The following PNOC variants were observed in gnomAD, a reference collection of about 807,000 sequenced individuals.
PNOC encodes the protein prepronociceptin, also known as nociceptin.
Under a neutral mutation model 15.6 loss-of-function variants are expected in PNOC, and 10 were observed. The ratio of observed to expected loss-of-function variants is 0.64; its 90% CI spans 0.40 to 1.09. The LOEUF (loss-of-function observed/expected upper bound fraction) is 1.09. Ranked by LOEUF, PNOC falls within the 50% of genes least tolerant of loss-of-function variation. The probability of loss-of-function intolerance (pLI) is 0.01; values close to 1 mark genes in which losing one functional copy is unlikely to be tolerated. For synonymous variants in PNOC, 98 were observed against 88.5 expected (o/e 1.11, Z -0.60); for missense variants, 220 against 223.9 (o/e 0.98, Z 0.11).
intron 2 of PNOC, among the ~76,000 whole-genome samples, chr8:28,336,004 G>T (rs1200366864): frequency 7.6e-6 from 1 of 131,744 alleles, no homozygotes; most frequent in African/African-American, 2.5e-5. Context: ...TGGCAGCAGG[G>T]TGACAGGAGC....
intron 2 of PNOC, 159 bp from the exon 3 acceptor site, chr8:28,338,881 C>G (rs1801459946): frequency 3.9e-6 from 4 of 1,017,094 alleles, no homozygotes; most frequent in Admixed American, 3.1e-5. Context: ...TTCTGAAATT[C>G]TACGAACCTA....
intron 2 of PNOC, among the ~76,000 whole-genome samples, chr8:28,336,657 A>C (rs1158422681): frequency 6.6e-6 from 1 of 152,168 alleles, no homozygotes; most frequent in Non-Finnish European, 1.5e-5. Flanking sequence ...TTTTATGGAT[A>C]TGATAAACAA....
intron 2 of PNOC, among the ~76,000 whole-genome samples, chr8:28,334,984 G>C (rs1439501333): frequency 1.3e-5 from 2 of 152,190 alleles, no homozygotes; most frequent in African/African-American, 4.8e-5. Context: ...AAGCATCTCT[G>C]AGCAAAAGCT....
intron 3 of PNOC, among the ~76,000 whole-genome samples, chr8:28,341,987 AT>A (rs1801527176): frequency 6.6e-6 from 1 of 152,128 alleles, no homozygotes; most frequent in South Asian, 2.1e-4. Flanking sequence ...AAGATACCTA[AT>A]ACTAATAGAC....
intron 3 of PNOC, among the ~76,000 whole-genome samples, chr8:28,342,116 T>C (rs1801530187): frequency 6.6e-6 from 1 of 152,090 alleles, no homozygotes. Flanking sequence ...ATGCCGAGGC[T>C]GGTGGATCAC....
intron 2 of PNOC, 48 bp downstream of exon 2, chr8:28,329,331 C>G (rs1366313446): frequency 1.2e-6 from 2 of 1,602,792 alleles, no homozygotes; most frequent in South Asian, 2.2e-5. Context: ...CCCTGACTAC[C>G]TCCTCCCTCC....
chr8:28,328,838 G>A (rs1249481071), intron 1 of PNOC, among the ~76,000 whole-genome samples: 2 of 152,126 alleles, frequency 1.3e-5, no homozygotes, highest in African/African-American at 4.8e-5. Context: ...AAGTGCCTAT[G>A]AGGTGTCGAG....
intron 1 of PNOC, among the ~76,000 whole-genome samples, chr8:28,318,457 A>G (rs1801095142): frequency 6.6e-6 from 1 of 152,224 alleles, no homozygotes; most frequent in African/African-American, 2.4e-5. Context: ...AGCCCAAACC[A>G]GAGTTTTCAA....
At chr8:28,336,397 A>T (rs907736178) in intron 2 of PNOC, among the ~76,000 whole-genome samples, 6 of 152,252 alleles carry the variant, frequency 3.9e-5, no homozygotes, top group African/African-American at 1.4e-4. Context: ...ACTAGAAGTT[A>T]TCAGAGAGGG....
At chr8:28,319,066 C>T (rs1801105671) in intron 1 of PNOC, among the ~76,000 whole-genome samples, 1 of 152,144 alleles carries the variant, frequency 6.6e-6, no homozygotes, top group South Asian at 2.1e-4. Context: ...AATAACAGCA[C>T]TTTACATTTG....
chr8:28,332,486 T>G (rs776214597), intron 2 of PNOC, among the ~76,000 whole-genome samples: 15 of 152,176 alleles, frequency 9.9e-5, no homozygotes, highest in Non-Finnish European at 1.9e-4. Flanking sequence ...TAATTTTTAT[T>G]GGTAAATGAC....
At chr8:28,319,001 C>T (rs1014747475) in intron 1 of PNOC, among the ~76,000 whole-genome samples, 2 of 152,252 alleles carry the variant, frequency 1.3e-5, no homozygotes, top group African/African-American at 2.4e-5. Context: ...TTACCGTCTA[C>T]ACTCCACCAG....
In PNOC at chr8:28,343,193, G is replaced by A. The variant is rs1298806988; in HGVS notation, c.*299G>A. On this transcript the variant is annotated 3_prime_UTR_variant, in exon 4 of 4. Coordinates refer to ENST00000301908, the MANE Select transcript of PNOC (RefSeq NM_006228.5). ...ATAGCCCCATCTCTCCTGCTCACCC[G>A]CCTCTTGCCCCTTCTAGGGGCAGGT... The A allele has an allele frequency of 2.5e-5, 4 of 162,414 alleles. No individual in the cohort carries two copies. Among genetic ancestry groups the A allele is most frequent in the Non-Finnish European group, 3.9e-5 (3 of 76,954 alleles). The allele number at this position is 162,414 out of a possible 1,614,324, so 10.1% of individuals were successfully genotyped here.
chr8:28,334,049 AACACACACACAC>A (rs71678743), intron 2 of PNOC, among the ~76,000 whole-genome samples: 42,646 of 146,872 alleles, frequency 0.29, 7,498 homozygotes, highest in Non-Finnish European at 0.41. Flanking sequence ...AGGTGCCAGT[AACACACACACAC>A]ACACACACAC....
chr8:28,343,149 T>A lies in PNOC; in HGVS notation c.*255T>A, dbSNP rs895391089. On this transcript the variant is annotated 3_prime_UTR_variant, in exon 4 of 4. Coordinates refer to ENST00000301908, the MANE Select transcript of PNOC (RefSeq NM_006228.5). ...CTACATCAGAGTGTATTTTTGTAAT[T>A]CCTCTAGCTACCATTTCAATAGCCC... 5.0e-5 allele frequency: 11 copies of A among 219,736 alleles called. No individual in the cohort carries two copies. The highest frequency in any genetic ancestry group is 8.5e-5 in the Non-Finnish European group (11 of 129,518). The allele number at this position is 219,736 out of a possible 1,614,324, so 13.6% of individuals were successfully genotyped here. A position where few individuals can be genotyped will look rare whatever the true frequency, so the allele number is the denominator to read the frequency against.
chr8:28,332,509 C>G (rs1385203384), intron 2 of PNOC, among the ~76,000 whole-genome samples: 1 of 152,166 alleles, frequency 6.6e-6, no homozygotes, highest in Non-Finnish European at 1.5e-5. Flanking sequence ...ACACCCAAAT[C>G]CATTGCAACG....
intron 2 of PNOC, among the ~76,000 whole-genome samples, chr8:28,330,400 T>TATTTTATTTTATTTTTTTTTTTTA (rs1431540071): frequency 1.4e-4 from 14 of 102,230 alleles, no homozygotes; most frequent in East Asian, 7.2e-4. Flanking sequence ...TATTTTATTT[T>TATTTTATTTTATTTTTTTTTTTTA]TTTTTTTTTT....
At position 28,330,400 on chromosome 8, in the gene PNOC, T is replaced by TATTTTATTTTATTTTATTTA. The variant is rs1431540071; in HGVS notation, c.126+1117_126+1118insATTTTATTTTATTTTATTTA. On this transcript the variant is annotated intron_variant, in intron 2 of 3. Transcript: ENST00000301908. The stretch of plus-strand genomic sequence containing the variant: ...TATTTTATTTTATTTTATTTTATTT[T>TATTTTATTTTATTTTATTTA]TTTTTTTTTTTTGAGACGGAGTCTT... Among the ~76,000 whole-genome samples the TATTTTATTTTATTTTATTTA allele has an allele frequency of 4.9e-5, 5 of 102,228 alleles. 1 individual carries two copies. Among genetic ancestry groups the TATTTTATTTTATTTTATTTA allele is most frequent in the Admixed American group, 1.0e-4 (1 of 9,622 alleles). 67.1% of individuals were successfully genotyped at this position (102,228 alleles called of 152,430 possible). A position where few individuals can be genotyped will look rare whatever the true frequency, so the allele number is the denominator to read the frequency against.
intron 2 of PNOC, among the ~76,000 whole-genome samples, chr8:28,337,956 G>A (rs1175183852): frequency 6.6e-6 from 1 of 152,148 alleles, no homozygotes; most frequent in African/African-American, 2.4e-5. Flanking sequence ...CATATACGTT[G>A]CCTTTAGGAA....
Sources: allele counts gnomAD v4.1 joint callset (sites outside exome capture counted in the v4.1 genomes callset), GRCh38; gene constraint gnomAD v4.1.1; transcripts MANE v1.5; gene names NCBI Gene and HGNC (gene_info 2026-07-23, HGNC 2026-07-21).